TRMT11: variants seen among roughly 807,000 people sequenced by gnomAD.
TRMT11 encodes tRNA methyltransferase 11.
In TRMT11, 53 loss-of-function variants were observed where a neutral mutation model predicts 62.8. The ratio of observed to expected loss-of-function variants is 0.84; its 90% CI spans 0.68 to 1.06. TRMT11 has a LOEUF of 1.06. TRMT11 is among the 50% of genes least tolerant of loss of function. The probability of loss-of-function intolerance (pLI) is 0.00; values close to 1 mark genes in which losing one functional copy is unlikely to be tolerated. For missense variants in TRMT11, 556 were observed against 553.4 expected (o/e 1.00, Z -0.05); for synonymous variants, 188 against 190.3 (o/e 0.99, Z 0.10).
downstream of TRMT11, among the ~76,000 whole-genome samples, chr6:126,042,622 G>A (rs1016846209): frequency 2.0e-5 from 3 of 152,140 alleles, no homozygotes; most frequent in Non-Finnish European, 4.4e-5. Context: ...GCCTAAAAAG[G>A]AACCTGTTTT....
chr6:126,235,178 G>T, the TRMT11 span, among the ~76,000 whole-genome samples: 1 of 152,096 alleles, frequency 6.6e-6, no homozygotes, highest in Non-Finnish European at 1.5e-5. Flanking sequence ...AGTCAGAATG[G>T]CTATTACTAA....
intron 17 of TRMT11, among the ~76,000 whole-genome samples, chr6:126,083,901 A>G (rs368970248): frequency 2.0e-5 from 3 of 152,138 alleles, no homozygotes; most frequent in East Asian, 3.8e-4. Context: ...TCTGATGCAT[A>G]TTGTGGCAAA....
chr6:126,016,104 C>G (rs1441143272), intron 11 of TRMT11, among the ~76,000 whole-genome samples: 3 of 152,186 alleles, frequency 2.0e-5, no homozygotes, highest in Non-Finnish European at 2.9e-5. Context: ...CATCAAACCA[C>G]TACTCAGATT....
intron 21 of TRMT11, among the ~76,000 whole-genome samples, chr6:126,157,896 T>C (rs1021704858): frequency 2.0e-5 from 3 of 152,148 alleles, no homozygotes; most frequent in Admixed American, 6.5e-5. Context: ...TGCTCTCCCA[T>C]GAATTTGTGT....
intron 16 of TRMT11, among the ~76,000 whole-genome samples, chr6:126,045,270 A>G (rs1004389219): frequency 6.6e-6 from 1 of 152,068 alleles, no homozygotes; most frequent in Admixed American, 6.6e-5. Flanking sequence ...ACCTAGGAGT[A>G]TGTCTTTTAC....
At chr6:126,092,893 T>C (rs1777293516) in intron 17 of TRMT11, among the ~76,000 whole-genome samples, 1 of 152,168 alleles carries the variant, frequency 6.6e-6, no homozygotes, top group South Asian at 2.1e-4. Flanking sequence ...AGAAAGTGAG[T>C]TCTGCTTATC....
chr6:126,083,961 A>G (rs1282823105), intron 17 of TRMT11, among the ~76,000 whole-genome samples: 1 of 152,150 alleles, frequency 6.6e-6, no homozygotes, highest in African/African-American at 2.4e-5. Flanking sequence ...CATTGTATAT[A>G]TGCACCACAG....
the TRMT11 span, among the ~76,000 whole-genome samples, chr6:126,213,328 A>G: frequency 2.0e-5 from 3 of 152,052 alleles, no homozygotes; most frequent in African/African-American, 7.2e-5. Context: ...GTATTTTTAT[A>G]GGAATTGCAT....
rs1562334847 is a variant in TRMT11 at position 126,151,865 on chromosome 6, TCC to T, written c.*1824-22959_*1824-22958del. Among the ~76,000 whole-genome samples, 153 of 124,296 alleles carry T rather than the reference TCC, an allele frequency of 1.2e-3. 2 individuals are homozygous for T. Among genetic ancestry groups the T allele is most frequent in the South Asian group, 4.3e-3 (17 of 3,974 alleles). 81.5% of individuals were successfully genotyped at this position (124,296 alleles called of 152,430 possible). On this transcript the variant is annotated intron_variant and NMD_transcript_variant, in intron 21 of 22. Coordinates refer to the TRMT11 transcript ENST00000648977. ...TTCTTTCTTTCTTTCTTTCTTTCTT[TCC>T]TTCTTTCTCCTTCCTTCCTTGTCTT...
At chr6:126,018,776 A>T (rs1795362440) in intron 11 of TRMT11, among the ~76,000 whole-genome samples, 1 of 152,236 alleles carries the variant, frequency 6.6e-6, no homozygotes, top group South Asian at 2.1e-4. Context: ...TACTGTCATA[A>T]TGGTCCAGGC....
the TRMT11 span, among the ~76,000 whole-genome samples, chr6:126,265,916 A>T: frequency 6.6e-6 from 1 of 152,158 alleles, no homozygotes; most frequent in African/African-American, 2.4e-5. Flanking sequence ...TCTATAATTT[A>T]TTGGCGTTGT....
At chr6:126,059,496 G>C (rs1184203451) in intron 17 of TRMT11, among the ~76,000 whole-genome samples, 1 of 152,172 alleles carries the variant, frequency 6.6e-6, no homozygotes, top group East Asian at 1.9e-4. Flanking sequence ...CAGAGGCTGG[G>C]AGTGAGAGAT....
In TRMT11 at chr6:125,998,677, G is replaced by A. The variant is rs1792002667; in HGVS notation, c.515G>A (p.Gly172Asp). The change falls in exon 6 of 13, where the codon GGT becomes GAT. Residue 172 changes from glycine (G) to aspartate (D), a missense_variant. By Grantham distance (94) the Gly-to-Asp change is moderately conservative. Coordinates refer to ENST00000334379, the MANE Select transcript of TRMT11 (RefSeq NM_001031712.3). The stretch of plus-strand genomic sequence containing the variant: ...GAGAATCCACATAATATTTATTTTG[G>A]TAGATGGGTGAGCAAGTTTTCTTTC... Reference protein sequence around the residue: ...IPENPHNIYFGRWIADGQREL... With the variant: ...IPENPHNIYFDRWIADGQREL... The A allele has an allele frequency of 1.2e-6, 2 of 1,610,338 alleles. No individual in the cohort carries two copies. The highest frequency in any genetic ancestry group is 1.3e-5 in the African/African-American group (1 of 74,624).
At chr6:126,248,401 G>T in the TRMT11 span, among the ~76,000 whole-genome samples, 1 of 151,988 alleles carries the variant, frequency 6.6e-6, no homozygotes, top group African/African-American at 2.4e-5. Flanking sequence ...AGGAAAAGAT[G>T]CTTTGTATTG....
At chr6:126,086,422 T>C (rs78030830) in intron 17 of TRMT11, among the ~76,000 whole-genome samples, 1,600 of 152,276 alleles carry the variant, frequency 0.011, 29 homozygotes, top group African/African-American at 0.036. Flanking sequence ...TACCTATCCT[T>C]ATCAAGTCAT....
intron 17 of TRMT11, among the ~76,000 whole-genome samples, chr6:126,079,857 T>C (rs1053476904): frequency 6.6e-6 from 1 of 152,134 alleles, no homozygotes; most frequent in African/African-American, 2.4e-5. Context: ...CTGATTTCAA[T>C]AGGGATGGTG....
chr6:125,989,070 G>C (rs1427319666), intron 1 of TRMT11, among the ~76,000 whole-genome samples: 4 of 151,612 alleles, frequency 2.6e-5, no homozygotes, highest in African/African-American at 9.7e-5. Context: ...GGCCAGAGAG[G>C]TGGTAAGATC....
intron 1 of TRMT11, among the ~76,000 whole-genome samples, chr6:125,992,536 C>T (rs752678432): frequency 3.3e-5 from 5 of 152,184 alleles, no homozygotes; most frequent in Non-Finnish European, 7.3e-5. Flanking sequence ...GGGTCCTCAT[C>T]ATTTTGATTC....
At chr6:126,211,619 A>ATATTATAT in the TRMT11 span, among the ~76,000 whole-genome samples, 1 of 150,852 alleles carries the variant, frequency 6.6e-6, no homozygotes, top group East Asian at 1.9e-4. Context: ...ATTTTTCTTT[A>ATATTATAT]TATTTTTTAT....
Sources: allele counts gnomAD v4.1 joint callset (sites outside exome capture counted in the v4.1 genomes callset), GRCh38; gene constraint gnomAD v4.1.1; transcripts MANE v1.5; gene names NCBI Gene and HGNC (gene_info 2026-07-23, HGNC 2026-07-21).